RGL4: variants seen among roughly 807,000 people sequenced by gnomAD.
RGL4 encodes the protein ral-GDS-related protein.
Under a neutral mutation model 49.6 loss-of-function variants are expected in RGL4, and 41 were observed. That is an observed-to-expected ratio of 0.83 (90% CI 0.64 to 1.07). The LOEUF is 1.07. Among genes scored for constraint, RGL4 ranks in the 50% least tolerant of loss-of-function variants. RGL4 has a pLI of 0.00. For synonymous variants in RGL4, 255 were observed against 238.0 expected (o/e 1.07, Z -0.66); for missense variants, 610 against 591.9 (o/e 1.03, Z -0.32).
chr22:23,693,089 C>T, intron 3 of RGL4, 98 bp downstream of exon 3: 2 of 1,456,310 alleles, frequency 1.4e-6, no homozygotes, highest in South Asian at 1.4e-5. Context: ...CAATTTCAGC[C>T]CCACTTCTTA....
At chr22:23,692,233 C>T (rs751822754) in intron 1 of RGL4, 24 bp downstream of exon 1, 3 of 1,609,576 alleles carry the variant, frequency 1.9e-6, no homozygotes, top group Admixed American at 3.3e-5. Context: ...GTCCTCCACA[C>T]TGGCAGCAAC....
chr22:23,696,474 G>A (rs759499511), intron 6 of RGL4, 140 bp from the exon 7 acceptor site: 1 of 1,551,936 alleles, frequency 6.4e-7, no homozygotes. Context: ...CACACACAGG[G>A]AGTGTGGATC....
In RGL4 at chr22:23,697,154, A is replaced by C. The variant is rs780822881; in HGVS notation, c.1162-17A>C. 1 of 1,595,620 alleles carries C rather than the reference A, an allele frequency of 6.3e-7. No individual in the cohort carries two copies. The highest frequency in any genetic ancestry group is 8.6e-7 in the Non-Finnish European group (1 of 1,165,474). On this transcript the variant is annotated splice_polypyrimidine_tract_variant and intron_variant, in intron 7 of 10. Coordinates refer to ENST00000290691, the MANE Select transcript of RGL4 (RefSeq NM_153615.2). The stretch of plus-strand genomic sequence containing the variant: ...TCACCACTACCCCTCCCACCTCCCC[A>C]CCCCTCCTTGGCACAGGGTGTGGTC...
Position 23,692,415 on chromosome 22 carries a change from G to A in RGL4, c.260G>A (p.Arg87Gln), listed in dbSNP as rs142705383. The change falls in exon 2 of 11, where the codon CGG becomes CAG. Residue 87 changes from arginine to glutamine, a missense_variant. Physicochemically the swap from Arg to Gln is conservative, Grantham distance 43. Transcript: ENST00000290691. ...CAGCCCCCGCAACGGTCATCTTTCCGGATAAAGCTGGCCTTCAGGAACCTC... is the reference window on the plus strand; with the variant it reads ...CAGCCCCCGCAACGGTCATCTTTCCAGATAAAGCTGGCCTTCAGGAACCTC... ...YYQPPQRSSF[R>Q]IKLAFRNLSW... 310 of 1,614,178 alleles carry A rather than the reference G, an allele frequency of 1.9e-4. No homozygotes were observed. The highest frequency in any genetic ancestry group is 1.7e-3 in the African/African-American group (131 of 75,032).
chr22:23,693,251 G>A, intron 3 of RGL4: 1 of 609,542 alleles, frequency 1.6e-6, no homozygotes, highest in South Asian at 2.1e-5. Context: ...CAGGGCAGGT[G>A]CTCACTGTGG....
chr22:23,692,394 C>T lies in RGL4; in HGVS notation c.239C>T (p.Pro80Leu). Residue 80 changes from proline to leucine, a missense_variant, in exon 2 of 11, where the codon CCC becomes CTC. Pro to Leu is a moderately conservative substitution (Grantham distance 98, BLOSUM62 -3). Coordinates refer to ENST00000290691, the MANE Select transcript of RGL4 (RefSeq NM_153615.2). ...GAAAACACTTCAGTTTACTATCAGC[C>T]CCCGCAACGGTCATCTTTCCGGATA... is the stretch of plus-strand genomic sequence containing the variant. Reference protein sequence around the residue: ...PPENTSVYYQPPQRSSFRIKL... With the variant: ...PPENTSVYYQLPQRSSFRIKL... 1 of 1,614,212 alleles carries T rather than the reference C, an allele frequency of 6.2e-7. No homozygotes were observed. Among genetic ancestry groups the T allele is most frequent in the Non-Finnish European group, 8.5e-7 (1 of 1,180,028 alleles).
chr22:23,696,627 AG>A lies in RGL4; in HGVS notation c.1102del (p.Val368TrpfsTer13), dbSNP rs771535406. ...GACACCTGGCAGGCGGGGAGCTTTA[AG>A]GTGGCCACCCAGGAGAGGAACCCCC... ...RDLLIKAGSF[K>X]VATQERNPQR... On this transcript the variant is annotated frameshift_variant, in exon 7 of 11. Coordinates refer to ENST00000290691, the MANE Select transcript of RGL4 (RefSeq NM_153615.2). LOFTEE classifies it high-confidence loss of function. 34 of 1,613,676 alleles carry A rather than the reference AG, an allele frequency of 2.1e-5. 1 individual carries two copies. In the South Asian group the frequency reaches 3.6e-4, roughly 17 times the overall value.
chr22:23,699,003 C>A lies in RGL4; in HGVS notation c.*120C>A. ...AACCACATCTAGGAGGCTGGCAGCT[C>A]AGCTGCATCTTGCCCTGGATCCTCA... On this transcript the variant is annotated 3_prime_UTR_variant, in exon 11 of 11. Coordinates refer to ENST00000290691, the MANE Select transcript of RGL4 (RefSeq NM_153615.2). 6.4e-7 allele frequency: 1 copy of A among 1,552,940 alleles called. No homozygotes were observed. The highest frequency in any genetic ancestry group is 1.2e-5 in the South Asian group (1 of 84,104).
At position 23,698,587 on chromosome 22, in the gene RGL4, C is replaced by T. The variant is rs988814093; in HGVS notation, c.1382+254C>T. On this transcript the variant is annotated intron_variant, in intron 10 of 10. Transcript: ENST00000290691. ...TTCACGATGATGTCCAGGATCGTCT[C>T]AAACTCCTGGCCTCAAGCAATCCAC... The T allele has an allele frequency of 8.4e-5, 61 of 724,814 alleles. No individual in the cohort carries two copies. In the African/African-American group the frequency reaches 1.0e-3, roughly 12 times the overall value. 44.9% of individuals were successfully genotyped at this position (724,814 alleles called of 1,614,324 possible). A position where few individuals can be genotyped will look rare whatever the true frequency, so the allele number is the denominator to read the frequency against.
intron 5 of RGL4, 45 bp from the exon 6 acceptor site, chr22:23,694,905 C>A (rs1923382346): frequency 2.0e-6 from 3 of 1,469,294 alleles, no homozygotes; most frequent in Non-Finnish European, 2.9e-6. Flanking sequence ...TCACAAATCT[C>A]CCCTGATTCC....
rs144310148 is a variant in RGL4 at position 23,692,990 on chromosome 22, C to T, written c.695C>T (p.Ala232Val). The change falls in exon 3 of 11, where the codon GCG becomes GTG. Residue 232 changes from alanine to valine, a missense_variant and splice_region_variant. Coordinates refer to ENST00000290691, the MANE Select transcript of RGL4 (RefSeq NM_153615.2). ...GCAGAGCAGCTGACCCTCATGGATGCGGTGAGCAGCTGAGCTTTGCAGGCT... is the reference window on the plus strand; with the variant it reads ...GCAGAGCAGCTGACCCTCATGGATGTGGTGAGCAGCTGAGCTTTGCAGGCT... ...LLAEQLTLMD[A>V]ELFKKVVLHE... 9.0e-5 allele frequency: 144 copies of T among 1,594,698 alleles called. No homozygotes were observed. The African/African-American group carries it at 1.5e-3, about 17-fold the overall frequency.
At chr22:23,696,977 A>G (rs1034272592) in intron 7 of RGL4, among the ~76,000 whole-genome samples, 194 bp from the exon 8 acceptor site, 1 of 152,212 alleles carries the variant, frequency 6.6e-6, no homozygotes, top group African/African-American at 2.4e-5. Flanking sequence ...CTTGGAGGTC[A>G]GCTGGGATAC....
rs1454794159 is a variant in RGL4 at position 23,695,011 on chromosome 22, C to T, written c.1078C>T (p.Leu360=). 2.5e-6 allele frequency: 4 copies of T among 1,611,254 alleles called. No individual in the cohort carries two copies. Among genetic ancestry groups the T allele is most frequent in the Non-Finnish European group, 2.5e-6 (3 of 1,177,512 alleles). The change falls in exon 6 of 11, where the codon CTG becomes TTG. Residue 360 remains leucine (L), a synonymous_variant. Transcript: ENST00000290691. The part of the protein sequence containing the change: ...KKDTAVKRDL[L]IKAGSFKVAT... ...AGACACTGCAGTGAAGAGGGACCTA[C>T]TGATCAAGGTACAGTGGAGTCTGGG...
intron 7 of RGL4, among the ~76,000 whole-genome samples, 176 bp from the exon 8 acceptor site, chr22:23,696,995 A>G (rs1265873386): frequency 6.6e-6 from 1 of 152,218 alleles, no homozygotes; most frequent in Non-Finnish European, 1.5e-5. Context: ...TACAGGAGGC[A>G]GAGAATTGGG....
chr22:23,698,751 C>A, intron 10 of RGL4, 93 bp from the exon 11 acceptor site: 2 of 1,442,324 alleles, frequency 1.4e-6, no homozygotes, highest in Non-Finnish European at 1.9e-6. Context: ...GCATGGGGAC[C>A]ACTGGGGACC....
In RGL4 at chr22:23,692,147, G is replaced by A. The variant is rs746860734; in HGVS notation, c.117G>A (p.Arg39=). 9.3e-6 allele frequency: 15 copies of A among 1,614,086 alleles called. No homozygotes were observed. Among genetic ancestry groups the A allele is most frequent in the Non-Finnish European group, 1.2e-5 (14 of 1,180,042 alleles). The change falls in exon 1 of 11, where the codon AGG becomes AGA. Residue 39 remains arginine, a synonymous_variant. Coordinates refer to ENST00000290691, the MANE Select transcript of RGL4 (RefSeq NM_153615.2). The stretch of plus-strand genomic sequence containing the variant: ...TCTGTGGGACGCCAGGGCGCACGAG[G>A]GTCTGTACAGCCCTGCTGTATGGCC... ...ENVCGTPGRT[R]VCTALLYGQV...
rs1923257811 is a variant in RGL4, at chr22:23,693,243, G to A, written c.696+252G>A. ...CAGGAGATGGACAGAAAGCAGGGCA[G>A]GGCAGGTGCTCACTGTGGGGCAGGC... On this transcript the variant is annotated intron_variant, in intron 3 of 10. Transcript: ENST00000290691. The A allele has an allele frequency of 1.1e-5, 7 of 649,174 alleles. No individual in the cohort carries two copies. The South Asian group carries it at 1.2e-4, about 12-fold the overall frequency. 40.2% of individuals were successfully genotyped at this position (649,174 alleles called of 1,614,324 possible).
intron 10 of RGL4, chr22:23,698,541 T>C (rs1421800240): frequency 2.7e-6 from 2 of 729,046 alleles, no homozygotes; most frequent in Admixed American, 2.0e-5. Context: ...TCTGCTGTTG[T>C]TGTTCTGGTA....
chr22:23,696,468 C>A (rs1222930562), intron 6 of RGL4, 146 bp from the exon 7 acceptor site: 1 of 1,548,594 alleles, frequency 6.5e-7, no homozygotes, highest in African/African-American at 1.4e-5. Context: ...GGGTGACACA[C>A]ACAGGGAGTG....
Sources: allele counts gnomAD v4.1 joint callset (sites outside exome capture counted in the v4.1 genomes callset), GRCh38; gene constraint gnomAD v4.1.1; transcripts MANE v1.5; gene names NCBI Gene and HGNC (gene_info 2026-07-23, HGNC 2026-07-21).